FHIT: variants seen among roughly 807,000 people sequenced by gnomAD.
FHIT encodes the protein bis(5'-adenosyl)-triphosphatase.
A neutral mutation model predicts 17.9 loss-of-function variants in FHIT; 19 were observed. The ratio of observed to expected loss-of-function variants is 1.06; its 90% CI spans 0.74 to 1.56. FHIT has a LOEUF of 1.56. Among genes scored for constraint, FHIT ranks in the 40% most tolerant of loss-of-function variants. FHIT has a pLI of 0.00. For synonymous variants in FHIT, 81 were observed against 69.7 expected, an observed-to-expected ratio of 1.16 and a Z score of -0.81; for missense variants, 248 against 189.2, an observed-to-expected ratio of 1.31 and a Z score of -1.82.
chr3:60,133,861 T>A (rs1699699717), intron 5 of FHIT, among the ~76,000 whole-genome samples: 1 of 151,638 alleles, frequency 6.6e-6, no homozygotes, highest in Non-Finnish European at 1.5e-5. Flanking sequence ...AAAAAACATG[T>A]TTCCATTTTT....
intron 2 of FHIT, among the ~76,000 whole-genome samples, chr3:61,091,977 T>C (rs1461585010): frequency 4.1e-5 from 5 of 121,192 alleles, no homozygotes; most frequent in Non-Finnish European, 6.7e-5. Context: ...GCAACAGGAG[T>C]CAGGCTCCCA....
chr3:59,839,362 T>C (rs1039270172), intron 8 of FHIT, among the ~76,000 whole-genome samples: 2 of 151,864 alleles, frequency 1.3e-5, no homozygotes, highest in African/African-American at 4.8e-5. Context: ...AAACCACCTC[T>C]TATCATTAGT....
intron 3 of FHIT, among the ~76,000 whole-genome samples, chr3:60,902,498 C>T (rs1316456123): frequency 6.6e-6 from 1 of 152,122 alleles, no homozygotes; most frequent in Non-Finnish European, 1.5e-5. Flanking sequence ...CATAGCCAGG[C>T]CTGATCAAAT....
intron 8 of FHIT, among the ~76,000 whole-genome samples, chr3:59,786,464 A>C (rs1699301758): frequency 6.6e-6 from 1 of 152,216 alleles, no homozygotes; most frequent in South Asian, 2.1e-4. Flanking sequence ...CTACTGACAA[A>C]ATCTGAAACT....
intron 5 of FHIT, among the ~76,000 whole-genome samples, chr3:60,222,122 A>G (rs1018526884): frequency 2.6e-5 from 4 of 152,142 alleles, no homozygotes. Context: ...GGAGACAATC[A>G]AGGGAGCTCA....
At chr3:60,332,758 C>T (rs1026658130) in intron 5 of FHIT, among the ~76,000 whole-genome samples, 3 of 152,152 alleles carry the variant, frequency 2.0e-5, no homozygotes, top group South Asian at 2.1e-4. Context: ...TGATTTCCCC[C>T]ACCACTCCAT....
At chr3:60,971,215 C>T (rs2107529258) in intron 3 of FHIT, among the ~76,000 whole-genome samples, 1 of 152,156 alleles carries the variant, frequency 6.6e-6, no homozygotes, top group East Asian at 1.9e-4. Flanking sequence ...TAAAAAAGTA[C>T]AAAAGTTAGC....
intron 2 of FHIT, among the ~76,000 whole-genome samples, chr3:61,197,091 C>G (rs12053817): frequency 6.6e-6 from 1 of 151,982 alleles, no homozygotes; most frequent in Non-Finnish European, 1.5e-5. Context: ...GTTGTTTAAT[C>G]TGTCTCTTTT....
At chr3:61,118,376 G>A (rs2036361499) in intron 2 of FHIT, among the ~76,000 whole-genome samples, 1 of 149,954 alleles carries the variant, frequency 6.7e-6, no homozygotes, top group Non-Finnish European at 1.5e-5. Context: ...GAGCAAGAAG[G>A]ACCCATGTTC....
chr3:61,074,913 G>A (rs568768027), intron 2 of FHIT, among the ~76,000 whole-genome samples: 1 of 152,236 alleles, frequency 6.6e-6, no homozygotes, highest in East Asian at 1.9e-4. Context: ...GTGAACCTTT[G>A]TGAAAAGCAT....
chr3:59,751,578 T>C (rs1700904678), intron 9 of FHIT: 3 of 208,584 alleles, frequency 1.4e-5, no homozygotes, highest in Non-Finnish European at 2.9e-5. Flanking sequence ...GGAAATTGGC[T>C]ATAGCTATCT....
rs573273225 is a variant in FHIT at position 59,967,233 on chromosome 3, C to T, written c.279+44138G>A. 1.4e-4 allele frequency among the ~76,000 whole-genome samples: 22 copies of T among 152,088 alleles called. 1 individual carries two copies. In the South Asian group the frequency reaches 2.7e-3, roughly 19 times the overall value. On this transcript the variant is annotated intron_variant, in intron 7 of 9. Coordinates refer to ENST00000492590, the MANE Select transcript of FHIT (RefSeq NM_002012.4). Reference sequence around the variant, plus strand: ...TAGTCCCTGAAGGACCTGCTTGAAGCGGTTTTAAAGTTATCTTTTTAAAAA... The same window carrying T: ...TAGTCCCTGAAGGACCTGCTTGAAGTGGTTTTAAAGTTATCTTTTTAAAAA...
chr3:60,406,877 T>A (rs1190610094), intron 5 of FHIT, among the ~76,000 whole-genome samples: 1 of 152,128 alleles, frequency 6.6e-6, no homozygotes, highest in Non-Finnish European at 1.5e-5. Flanking sequence ...AAATTCTGAA[T>A]CTTGACTAAA....
intron 5 of FHIT, among the ~76,000 whole-genome samples, chr3:60,247,943 T>C (rs1176869193): frequency 6.6e-6 from 1 of 152,152 alleles, no homozygotes; most frequent in Non-Finnish European, 1.5e-5. Flanking sequence ...CTACAAGTAA[T>C]TTTTTAAATC....
chr3:59,833,203 A>G (rs1309960879), intron 8 of FHIT, among the ~76,000 whole-genome samples: 1 of 152,124 alleles, frequency 6.6e-6, no homozygotes, highest in East Asian at 1.9e-4. Context: ...CTTCAAATGG[A>G]TATGTTGAAG....
chr3:60,903,259 C>T (rs1241007471), intron 3 of FHIT, among the ~76,000 whole-genome samples: 2 of 152,118 alleles, frequency 1.3e-5, no homozygotes, highest in African/African-American at 2.4e-5. Flanking sequence ...ATATAAGGAT[C>T]AATGAACAAT....
chr3:60,898,814 T>A (rs917496368), intron 3 of FHIT, among the ~76,000 whole-genome samples: 1 of 152,124 alleles, frequency 6.6e-6, no homozygotes, highest in African/African-American at 2.4e-5. Flanking sequence ...ATAGGATAGA[T>A]CCCATACGGG....
At chr3:59,895,145 C>T (rs1704015101) in intron 8 of FHIT, among the ~76,000 whole-genome samples, 1 of 152,216 alleles carries the variant, frequency 6.6e-6, no homozygotes, top group African/African-American at 2.4e-5. Context: ...TCTCACTATG[C>T]ATACTCTCAC....
At chr3:61,142,654 A>G (rs1455035884) in intron 2 of FHIT, among the ~76,000 whole-genome samples, 2 of 152,218 alleles carry the variant, frequency 1.3e-5, no homozygotes, top group Admixed American at 1.3e-4. Context: ...AGAAAAAGAA[A>G]AAATAATTGT....
Sources: allele counts gnomAD v4.1 joint callset (sites outside exome capture counted in the v4.1 genomes callset), GRCh38; gene constraint gnomAD v4.1.1; transcripts MANE v1.5; gene names NCBI Gene and HGNC (gene_info 2026-07-23, HGNC 2026-07-21).